ARHGAP15: variants seen among roughly 807,000 people sequenced by gnomAD.
ARHGAP15 encodes the protein rho GTPase-activating protein 15.
ARHGAP15 carries 51 observed loss-of-function variants against 63.7 expected under a neutral mutation model. The observed-to-expected ratio is 0.80, with a 90% confidence interval of 0.64 to 1.01. The LOEUF (loss-of-function observed/expected upper bound fraction) is 1.01, where lower values mean the gene tolerates loss of function less well. Ranked by LOEUF, ARHGAP15 falls within the 50% of genes least tolerant of loss-of-function variation. ARHGAP15 has a pLI of 0.00. For synonymous variants in ARHGAP15, 191 were observed against 193.8 expected, an observed-to-expected ratio of 0.99 and a Z score of 0.12; for missense variants, 560 against 564.6, an observed-to-expected ratio of 0.99 and a Z score of 0.08.
intron 9 of ARHGAP15, among the ~76,000 whole-genome samples, chr2:143,490,966 A>G (rs1692558800): frequency 6.6e-6 from 1 of 152,224 alleles, no homozygotes. Context: ...AAAGAGAAGT[A>G]CATATTAAGA....
At chr2:143,686,065 A>T (rs1683324869) in intron 12 of ARHGAP15, among the ~76,000 whole-genome samples, 1 of 152,152 alleles carries the variant, frequency 6.6e-6, no homozygotes, top group South Asian at 2.1e-4. Context: ...TGATTGTATG[A>T]GAAAATAATT....
At position 143,683,131 on chromosome 2, in the gene ARHGAP15, C is replaced by T. The variant is rs139448237; in HGVS notation, c.1139-20288C>T. The stretch of plus-strand genomic sequence containing the variant: ...TATGATAAAAAACAGGTTGTAAGGA[C>T]TGATTCTGTGACCTTTTTTTCTCAT... On this transcript the variant is annotated intron_variant, in intron 12 of 13. Coordinates refer to ENST00000295095, the MANE Select transcript of ARHGAP15 (RefSeq NM_018460.4). Among the ~76,000 whole-genome samples, 35 of 152,256 alleles carry T rather than the reference C, an allele frequency of 2.3e-4. No homozygotes were observed. The East Asian group carries it at 6.2e-3, about 27-fold the overall frequency.
chr2:143,379,505 G>A (rs1278678434), intron 6 of ARHGAP15, among the ~76,000 whole-genome samples: 12 of 150,734 alleles, frequency 8.0e-5, no homozygotes, highest in African/African-American at 1.7e-4. Flanking sequence ...GTGTGTGTGT[G>A]TGTGTGTGTG....
chr2:143,347,680 G>A (rs1336284653), intron 6 of ARHGAP15, among the ~76,000 whole-genome samples: 3 of 152,016 alleles, frequency 2.0e-5, no homozygotes, highest in Non-Finnish European at 4.4e-5. Context: ...TTAGCTCTCT[G>A]GATGTTGCGT....
intron 11 of ARHGAP15, among the ~76,000 whole-genome samples, chr2:143,609,748 A>G (rs924364359): frequency 1.3e-5 from 2 of 152,004 alleles, no homozygotes; most frequent in East Asian, 3.9e-4. Flanking sequence ...ATCTGTATGC[A>G]CTCGCCTTCC....
chr2:143,175,456 C>G (rs1187773892), intron 2 of ARHGAP15, among the ~76,000 whole-genome samples: 1 of 152,104 alleles, frequency 6.6e-6, no homozygotes, highest in South Asian at 2.1e-4. Context: ...GACCTGATAG[C>G]CTTTTGAGGC....
intron 12 of ARHGAP15, among the ~76,000 whole-genome samples, chr2:143,646,454 C>T (rs1161309701): frequency 2.0e-5 from 3 of 151,932 alleles, no homozygotes; most frequent in Admixed American, 6.6e-5. Context: ...TGGGCCACTG[C>T]ATTGTTGATT....
At chr2:143,373,940 G>T (rs1686692309) in intron 6 of ARHGAP15, among the ~76,000 whole-genome samples, 1 of 152,284 alleles carries the variant, frequency 6.6e-6, no homozygotes. Flanking sequence ...GAAACATCCT[G>T]TGGACCTAGC....
At chr2:143,377,859 T>C (rs1686885407) in intron 6 of ARHGAP15, among the ~76,000 whole-genome samples, 1 of 152,090 alleles carries the variant, frequency 6.6e-6, no homozygotes, top group South Asian at 2.1e-4. Flanking sequence ...ATGATGTTTA[T>C]AAATAGGCTT....
chr2:143,586,656 TC>T (rs1697120208), intron 11 of ARHGAP15, among the ~76,000 whole-genome samples: 1 of 150,040 alleles, frequency 6.7e-6, no homozygotes, highest in Admixed American at 6.6e-5. Context: ...AAATACTCTT[TC>T]CATTGCATAA....
chr2:143,451,690 T>G (rs1366943835), intron 8 of ARHGAP15, among the ~76,000 whole-genome samples: 1 of 152,120 alleles, frequency 6.6e-6, no homozygotes, highest in East Asian at 1.9e-4. Flanking sequence ...ATAATATATT[T>G]GTTTCATATG....
intron 6 of ARHGAP15, among the ~76,000 whole-genome samples, chr2:143,289,295 G>C (rs945435643): frequency 1.3e-5 from 2 of 152,158 alleles, no homozygotes; most frequent in Admixed American, 1.3e-4. Context: ...TACCAGGTTT[G>C]CTGAATTGTA....
At position 143,604,550 on chromosome 2, in the gene ARHGAP15, A is replaced by G. The variant is rs565980828; in HGVS notation, c.1004-19583A>G. 2.6e-4 allele frequency among the ~76,000 whole-genome samples: 39 copies of G among 152,356 alleles called. 1 individual carries two copies. In the South Asian group the frequency reaches 6.8e-3, roughly 27 times the overall value. On this transcript the variant is annotated intron_variant, in intron 11 of 13. Transcript: ENST00000295095. The stretch of plus-strand genomic sequence containing the variant: ...ACCAATATGAATTTATTTATACAAG[A>G]TGCCCTTTCAGAGAACATATTATAT...
chr2:143,378,962 GTTT>G (rs568501933), intron 6 of ARHGAP15, among the ~76,000 whole-genome samples: 1 of 151,410 alleles, frequency 6.6e-6, no homozygotes, highest in Non-Finnish European at 1.5e-5. Flanking sequence ...AACCAATAAG[GTTT>G]TTTTTAATTA....
intron 6 of ARHGAP15, among the ~76,000 whole-genome samples, chr2:143,415,385 A>G (rs190156512): frequency 2.6e-4 from 40 of 152,280 alleles, no homozygotes; most frequent in Non-Finnish European, 5.0e-4. Flanking sequence ...TGGCAGATGA[A>G]AAAAATATAT....
chr2:143,674,705 G>A (rs149713772), intron 12 of ARHGAP15, among the ~76,000 whole-genome samples: 2 of 152,276 alleles, frequency 1.3e-5, no homozygotes, highest in East Asian at 1.9e-4. Context: ...ATACTATACT[G>A]TAGTCCATTA....
intron 6 of ARHGAP15, among the ~76,000 whole-genome samples, chr2:143,393,169 C>A (rs1299928083): frequency 6.6e-6 from 1 of 152,146 alleles, no homozygotes. Context: ...GCTCAAAGAT[C>A]TACCCAGCCA....
chr2:143,571,830 C>G (rs917447459), intron 11 of ARHGAP15: 1 of 152,160 alleles, frequency 6.6e-6, no homozygotes, highest in African/African-American at 2.4e-5. Flanking sequence ...AATTCAATAT[C>G]CCATCAGTCC....
chr2:143,407,988 T>TATGTAC (rs1688277281), intron 6 of ARHGAP15, among the ~76,000 whole-genome samples: 1 of 14,964 alleles, frequency 6.7e-5, no homozygotes, highest in Non-Finnish European at 1.1e-4. Flanking sequence ...TCTGTGTGTG[T>TATGTAC]ATATATATAT....
Sources: allele counts gnomAD v4.1 joint callset (sites outside exome capture counted in the v4.1 genomes callset), GRCh38; gene constraint gnomAD v4.1.1; transcripts MANE v1.5; gene names NCBI Gene and HGNC (gene_info 2026-07-23, HGNC 2026-07-21).